The following MAP4K3 variants were observed in gnomAD, a reference collection of about 807,000 sequenced individuals.
MAP4K3 encodes MAPK/ERK kinase kinase kinase 3.
MAP4K3 carries 94 observed loss-of-function variants against 143.5 expected under a neutral mutation model. The observed-to-expected ratio is 0.65, with a 90% CI of 0.55 to 0.78. MAP4K3 has a LOEUF of 0.78. Among genes scored for constraint, MAP4K3 ranks in the 30% least tolerant of loss-of-function variants. The pLI is 0.00. For missense variants in MAP4K3, 1,077 were observed against 1,068.1 expected (o/e 1.01, Z -0.12); for synonymous variants, 416 against 347.2 (o/e 1.20, Z -2.20).
intron 28 of MAP4K3, among the ~76,000 whole-genome samples, chr2:39,262,204 G>A (rs1179998267): frequency 4.6e-5 from 7 of 152,110 alleles, no homozygotes; most frequent in South Asian, 2.1e-4. Context: ...AAGGTGCAAC[G>A]GGGGATATCC....
At position 39,315,844 on chromosome 2, in the gene MAP4K3, G is replaced by A. The variant is rs556015416; in HGVS notation, c.919-456C>T. 5.0e-4 allele frequency among the ~76,000 whole-genome samples: 76 copies of A among 152,052 alleles called. No individual in the cohort carries two copies. In the South Asian group the frequency reaches 6.9e-3, roughly 14 times the overall value. ...CATTTAATGATGGTTGAGCTTAGAA[G>A]CCTTTTAAGGTTTATTTTTCAATTT... is the stretch of plus-strand genomic sequence containing the variant. On this transcript the variant is annotated intron_variant, in intron 12 of 33. Transcript: ENST00000263881.
rs547654116 is a variant in MAP4K3, at chr2:39,405,975, T to TA, written c.97-27853dup. ...TTCAAAATAGCTGTGTTGAGGAAACTAAAAAAAATTCAAGATAACTCAGAG... is the reference window on the plus strand; with the variant it reads ...TTCAAAATAGCTGTGTTGAGGAAACTAAAAAAAAATTCAAGATAACTCAGAG... On this transcript the variant is annotated intron_variant, in intron 1 of 33. Transcript: ENST00000263881. Among the ~76,000 whole-genome samples the TA allele has an allele frequency of 2.8e-3, 431 of 151,812 alleles. 3 individuals are homozygous for TA. Among genetic ancestry groups the TA allele is most frequent in the African/African-American group, 1.0e-2 (413 of 41,406 alleles).
In MAP4K3 at chr2:39,267,542, G is replaced by GT. The variant is rs1395303369; in HGVS notation, c.1974-296dup. The GT allele has an allele frequency of 4.1e-5, 12 of 291,920 alleles. 1 individual carries two copies. In the East Asian group the frequency reaches 9.0e-4, roughly 22 times the overall value. The allele number at this position is 291,920 out of a possible 1,614,324, so 18.1% of individuals were successfully genotyped here. On this transcript the variant is annotated intron_variant, in intron 26 of 33. Coordinates refer to ENST00000263881, the MANE Select transcript of MAP4K3 (RefSeq NM_003618.4). ...AAAAAAATTAGCCAGGCATGGTGGT[G>GT]TATGCCTGTAATCCCAGCTACTCAG...
At chr2:39,326,391 G>A in intron 8 of MAP4K3, 114 bp from the exon 9 acceptor site, 2 of 1,147,408 alleles carry the variant, frequency 1.7e-6, no homozygotes, top group South Asian at 1.6e-5. Context: ...TTAGGCCTTG[G>A]TTTTTGAAAA....
intron 1 of MAP4K3, among the ~76,000 whole-genome samples, chr2:39,378,750 C>T (rs1338962819): frequency 6.6e-6 from 1 of 151,968 alleles, no homozygotes; most frequent in Non-Finnish European, 1.5e-5. Context: ...TAGTTCAATG[C>T]AAAACCTATT....
At chr2:39,411,004 A>AT (rs1225978884) in intron 1 of MAP4K3, among the ~76,000 whole-genome samples, 9 of 152,038 alleles carry the variant, frequency 5.9e-5, no homozygotes, top group East Asian at 1.9e-4. Flanking sequence ...TCATTATGCC[A>AT]TTTTTTTTAC....
At chr2:39,316,634 T>C (rs1683121199) in intron 12 of MAP4K3, among the ~76,000 whole-genome samples, 1 of 152,162 alleles carries the variant, frequency 6.6e-6, no homozygotes, top group Non-Finnish European at 1.5e-5. Flanking sequence ...GAATGAAAGA[T>C]GCCCAACCTG....
intron 24 of MAP4K3, among the ~76,000 whole-genome samples, chr2:39,274,544 T>C (rs959506875): frequency 6.6e-6 from 1 of 152,144 alleles, no homozygotes; most frequent in African/African-American, 2.4e-5. Context: ...TTAACAACTT[T>C]TACAAATCTA....
At chr2:39,307,668 T>TA (rs941194072) in intron 15 of MAP4K3, among the ~76,000 whole-genome samples, 90 of 146,624 alleles carry the variant, frequency 6.1e-4, no homozygotes, top group Admixed American at 3.1e-3. Context: ...TGCCATTTCT[T>TA]AAAAAAAAAA....
chr2:39,415,980 AATATATATAT>A (rs1553318574), intron 1 of MAP4K3, among the ~76,000 whole-genome samples: 2 of 14,756 alleles, frequency 1.4e-4, no homozygotes, highest in Non-Finnish European at 2.9e-4. Flanking sequence ...AAAAAAAAAA[AATATATATAT>A]ATATATATAT....
chr2:39,373,613 G>A (rs917951592), intron 2 of MAP4K3, among the ~76,000 whole-genome samples: 6 of 152,174 alleles, frequency 3.9e-5, no homozygotes, highest in African/African-American at 1.4e-4. Context: ...CCATTAAAAG[G>A]AATGAGATCC....
At chr2:39,431,745 C>T (rs915919729) in intron 1 of MAP4K3, among the ~76,000 whole-genome samples, 7 of 152,196 alleles carry the variant, frequency 4.6e-5, no homozygotes, top group African/African-American at 1.7e-4. Flanking sequence ...CTTCTAGACA[C>T]TAACAGCAAT....
chr2:39,410,645 A>G (rs1038987312), intron 1 of MAP4K3, among the ~76,000 whole-genome samples: 7 of 152,210 alleles, frequency 4.6e-5, no homozygotes, highest in African/African-American at 1.7e-4. Flanking sequence ...ATAATATTTA[A>G]AAGATCATTT....
chr2:39,297,688 C>A (rs1275332580), intron 16 of MAP4K3, among the ~76,000 whole-genome samples: 1 of 152,134 alleles, frequency 6.6e-6, no homozygotes, highest in Non-Finnish European at 1.5e-5. Flanking sequence ...AAAACACTGC[C>A]TAATCACAAG....
intron 32 of MAP4K3, among the ~76,000 whole-genome samples, chr2:39,253,340 G>A (rs1314542686): frequency 6.6e-6 from 1 of 152,112 alleles, no homozygotes; most frequent in African/African-American, 2.4e-5. Flanking sequence ...CACCATGTTG[G>A]CCAGGCTGGT....
intron 1 of MAP4K3, among the ~76,000 whole-genome samples, chr2:39,412,964 T>C (rs1294590521): frequency 6.6e-6 from 1 of 152,230 alleles, no homozygotes; most frequent in African/African-American, 2.4e-5. Flanking sequence ...GCCATTTCAA[T>C]ATTTTTAAAG....
chr2:39,299,019 T>C (rs1001284005), intron 16 of MAP4K3, among the ~76,000 whole-genome samples: 5 of 151,614 alleles, frequency 3.3e-5, no homozygotes, highest in African/African-American at 1.2e-4. Flanking sequence ...AAATAATATA[T>C]GCACTGCTGG....
At chr2:39,337,970 C>G (rs1052093805) in intron 4 of MAP4K3, among the ~76,000 whole-genome samples, 1 of 151,660 alleles carries the variant, frequency 6.6e-6, no homozygotes, top group African/African-American at 2.4e-5. Flanking sequence ...ATTATCTTGC[C>G]CAGGCTGGTA....
chr2:39,318,874 G>A (rs139625572), intron 12 of MAP4K3, among the ~76,000 whole-genome samples: 528 of 152,204 alleles, frequency 3.5e-3, no homozygotes, highest in South Asian at 0.01. Flanking sequence ...AAGTTTGTAC[G>A]GGAAGGAAAG....
Sources: gnomAD v4.1 joint callset for allele counts (sites outside exome capture counted in the v4.1 genomes callset) on GRCh38, gnomAD v4.1.1 for gene constraint, MANE v1.5 for transcripts, NCBI Gene and HGNC (gene_info 2026-07-23, HGNC 2026-07-21) for gene names.